The following CEP135 variants were observed in gnomAD, a reference collection of about 807,000 sequenced individuals.
CEP135 encodes the protein centrosomal protein of 135 kDa.
CEP135 carries 142 observed loss-of-function variants against 157.3 expected under a neutral mutation model. The observed-to-expected ratio is 0.90, with a 90% confidence interval of 0.79 to 1.04. The LOEUF (loss-of-function observed/expected upper bound fraction) is 1.04. Among genes scored for constraint, CEP135 ranks in the 50% least tolerant of loss-of-function variants. CEP135 has a pLI of 0.00. For synonymous variants in CEP135, 396 were observed against 439.8 expected, an observed-to-expected ratio of 0.90 and a Z score of 1.25; for missense variants, 1,317 against 1,309.2, an observed-to-expected ratio of 1.01 and a Z score of -0.09.
At chr4:55,961,030 T>TGG (rs1560399034) in intron 6 of CEP135, 1 of 140,150 alleles carries the variant, frequency 7.1e-6, no homozygotes, top group African/African-American at 2.7e-5. Context: ...CTCTTGAACC[T>TGG]GGGAGGCGGA....
At chr4:55,991,112 A>G (rs1729774761) in intron 14 of CEP135, among the ~76,000 whole-genome samples, 1 of 152,076 alleles carries the variant, frequency 6.6e-6, no homozygotes, top group East Asian at 1.9e-4. Context: ...AGTAGCTAGG[A>G]CTACAGGCAT....
intron 15 of CEP135, among the ~76,000 whole-genome samples, chr4:55,992,801 T>G (rs1729838357): frequency 6.6e-6 from 1 of 152,196 alleles, no homozygotes; most frequent in Admixed American, 6.5e-5. Flanking sequence ...CTTAGCATAT[T>G]GGGTTGTTGG....
chr4:56,020,434 T>C (rs922244110), intron 23 of CEP135, among the ~76,000 whole-genome samples: 2 of 152,198 alleles, frequency 1.3e-5, no homozygotes, highest in Admixed American at 1.3e-4. Context: ...GGTGTTACCA[T>C]TTATGTCTCG....
In CEP135 at chr4:56,011,525, G is replaced by A. The variant is rs1394831593; in HGVS notation, c.2616+3G>A. On this transcript the variant is annotated splice_donor_region_variant and intron_variant, in intron 20 of 25. Coordinates refer to ENST00000257287, the MANE Select transcript of CEP135 (RefSeq NM_025009.5). Reference sequence around the variant, plus strand: ...GGGAGAGCTTAATGGCTGCCAAGGTGAAAAATATTATTTAGGTTGGATTTA... The same window carrying A: ...GGGAGAGCTTAATGGCTGCCAAGGTAAAAAATATTATTTAGGTTGGATTTA... 1.0e-5 allele frequency: 16 copies of A among 1,569,338 alleles called. No individual in the cohort carries two copies. The highest frequency in any genetic ancestry group is 1.3e-5 in the Non-Finnish European group (15 of 1,152,818).
intron 14 of CEP135, 102 bp from the exon 15 acceptor site, chr4:55,991,832 A>G (rs879207084): frequency 1.8e-5 from 12 of 668,328 alleles, no homozygotes; most frequent in South Asian, 9.2e-5. Context: ...AAATAAATCT[A>G]TTTTCTTAGT....
At chr4:55,987,907 A>G (rs1048852547) in intron 14 of CEP135, among the ~76,000 whole-genome samples, 1 of 152,198 alleles carries the variant, frequency 6.6e-6, no homozygotes, top group African/African-American at 2.4e-5. Flanking sequence ...ATAATGATTG[A>G]TGATTTTCTA....
intron 24 of CEP135, among the ~76,000 whole-genome samples, chr4:56,024,208 G>A (rs576223154): frequency 4.1e-4 from 60 of 146,458 alleles, no homozygotes; most frequent in African/African-American, 1.2e-3. Flanking sequence ...TTTAAGTAGC[G>A]GATAAAAGAT....
At chr4:56,004,610 T>C (rs1275133786) in intron 17 of CEP135, among the ~76,000 whole-genome samples, 15 of 152,188 alleles carry the variant, frequency 9.9e-5, no homozygotes, top group Admixed American at 9.8e-4. Flanking sequence ...TAAATATGTA[T>C]AATTATTATA....
intron 15 of CEP135, among the ~76,000 whole-genome samples, chr4:55,995,956 T>C (rs1157117690): frequency 6.6e-6 from 1 of 152,184 alleles, no homozygotes; most frequent in Non-Finnish European, 1.5e-5. Flanking sequence ...TATACTCTTA[T>C]CTAGGATCAA....
At chr4:56,023,520 T>G (rs750803436) in intron 24 of CEP135, among the ~76,000 whole-genome samples, 14 of 151,158 alleles carry the variant, frequency 9.3e-5, no homozygotes, top group Non-Finnish European at 1.8e-4. Flanking sequence ...TTAGCCTTTT[T>G]GAGTTTAACA....
At chr4:56,016,793 G>C (rs1360914948) in intron 21 of CEP135, among the ~76,000 whole-genome samples, 1 of 151,968 alleles carries the variant, frequency 6.6e-6, no homozygotes, top group Non-Finnish European at 1.5e-5. Flanking sequence ...TCCCGCCTCA[G>C]CCTCCCAAGT....
At chr4:55,990,578 C>T (rs1729751331) in intron 14 of CEP135, among the ~76,000 whole-genome samples, 1 of 152,078 alleles carries the variant, frequency 6.6e-6, no homozygotes. Flanking sequence ...TCACTGCCTC[C>T]TCCAACTCCT....
chr4:55,960,418 C>A (rs1347158230), intron 6 of CEP135: 1 of 152,108 alleles, frequency 6.6e-6, no homozygotes, highest in African/African-American at 2.4e-5. Flanking sequence ...TTCATAATTT[C>A]TATTGATGTC....
intron 22 of CEP135, among the ~76,000 whole-genome samples, chr4:56,018,770 A>AT (rs1730871364): frequency 6.6e-6 from 1 of 152,146 alleles, no homozygotes; most frequent in Non-Finnish European, 1.5e-5. Flanking sequence ...AAAAAAAAAA[A>AT]GTAAGACTTG....
chr4:55,970,139 T>C (rs979796221), intron 9 of CEP135, among the ~76,000 whole-genome samples: 2 of 152,060 alleles, frequency 1.3e-5, no homozygotes, highest in African/African-American at 4.8e-5. Flanking sequence ...CCTAAAGTGC[T>C]AGGACTACAG....
chr4:55,959,852 G>A (rs1728626422), intron 6 of CEP135, 86 bp downstream of exon 6: 1 of 1,060,100 alleles, frequency 9.4e-7, no homozygotes. Flanking sequence ...TGAAATTGCT[G>A]ATACTGAGTT....
intron 17 of CEP135, among the ~76,000 whole-genome samples, chr4:56,000,303 T>G (rs1224203163): frequency 6.6e-6 from 1 of 152,232 alleles, no homozygotes; most frequent in Non-Finnish European, 1.5e-5. Flanking sequence ...GTCAGGGTAA[T>G]TGGGATATTT....
intron 12 of CEP135, 80 bp from the exon 13 acceptor site, chr4:55,981,147 C>A: frequency 1.5e-6 from 2 of 1,369,182 alleles, no homozygotes; most frequent in Non-Finnish European, 2.0e-6. Context: ...CCTTTTTTAA[C>A]TGGAAACATA....
rs969928311 is a variant in CEP135 at position 55,991,030 on chromosome 4, C to T, written c.1858-904C>T. 4.0e-5 allele frequency among the ~76,000 whole-genome samples: 6 copies of T among 151,726 alleles called. No individual in the cohort carries two copies. The East Asian group carries it at 1.2e-3, about 29-fold the overall frequency. On this transcript the variant is annotated intron_variant, in intron 14 of 25. Coordinates refer to ENST00000257287, the MANE Select transcript of CEP135 (RefSeq NM_025009.5). ...TCACTCTGTTGCCCAGGCAGGAGTA[C>T]AGTGGCGTGATCTCGGCTCACTGCA...
Sources: allele counts gnomAD v4.1 joint callset (sites outside exome capture counted in the v4.1 genomes callset), GRCh38; gene constraint gnomAD v4.1.1; transcripts MANE v1.5; gene names NCBI Gene and HGNC (gene_info 2026-07-23, HGNC 2026-07-21).